DDAH1: variants seen among roughly 807,000 people sequenced by gnomAD.
DDAH1 encodes the protein N(G),N(G)-dimethylarginine dimethylaminohydrolase 1.
DDAH1 carries 19 observed loss-of-function variants against 28.8 expected under a neutral mutation model. That is an observed-to-expected ratio of 0.66 (90% CI 0.46 to 0.97). The LOEUF (loss-of-function observed/expected upper bound fraction) is 0.97, where lower values mean the gene tolerates loss of function less well. DDAH1 is among the 50% of genes least tolerant of loss of function. The pLI is 0.00. For synonymous variants in DDAH1, 153 were observed against 154.4 expected, an observed-to-expected ratio of 0.99 and a Z score of 0.07; for missense variants, 326 against 375.9, an observed-to-expected ratio of 0.87 and a Z score of 1.10.
chr1:85,572,399 C>A (rs1659486364), intron 1 of DDAH1, among the ~76,000 whole-genome samples: 4 of 152,242 alleles, frequency 2.6e-5, no homozygotes, highest in South Asian at 4.1e-4. Flanking sequence ...TCATGAAGGA[C>A]AAATACCATG....
chr1:85,347,755 A>C (rs1428270695), intron 4 of DDAH1, among the ~76,000 whole-genome samples: 1 of 141,730 alleles, frequency 7.1e-6, no homozygotes, highest in South Asian at 2.4e-4. Context: ...CCTAGAACTT[A>C]AAGTATAATA....
chr1:85,562,640 A>C (rs1005928386), intron 1 of DDAH1, among the ~76,000 whole-genome samples: 16 of 152,216 alleles, frequency 1.1e-4, no homozygotes, highest in Admixed American at 3.3e-4. Flanking sequence ...GGAAAGATGG[A>C]AGCAGATATT....
chr1:85,423,357 G>T (rs1033913339), intron 1 of DDAH1, among the ~76,000 whole-genome samples: 1 of 152,168 alleles, frequency 6.6e-6, no homozygotes, highest in African/African-American at 2.4e-5. Flanking sequence ...GTGAAGAAGA[G>T]AATAATTAAC....
intron 4 of DDAH1, among the ~76,000 whole-genome samples, chr1:85,332,609 CT>C (rs1163158949): frequency 1.7e-4 from 26 of 152,138 alleles, no homozygotes; most frequent in African/African-American, 5.3e-4. Flanking sequence ...GGCACCACCC[CT>C]GTCCTCCATC....
At chr1:85,407,165 C>A (rs1347031643) in intron 1 of DDAH1, among the ~76,000 whole-genome samples, 1 of 152,140 alleles carries the variant, frequency 6.6e-6, no homozygotes, top group East Asian at 1.9e-4. Flanking sequence ...CACAGACTTT[C>A]CCATTGCCCC....
intron 1 of DDAH1, among the ~76,000 whole-genome samples, chr1:85,406,027 G>A (rs1158880477): frequency 3.3e-5 from 5 of 152,096 alleles, no homozygotes; most frequent in Non-Finnish European, 7.4e-5. Flanking sequence ...TATGTGCCAG[G>A]GCTACCTACC....
chr1:85,487,402 A>G (rs886739370), intron 2 of DDAH1, among the ~76,000 whole-genome samples: 7 of 152,242 alleles, frequency 4.6e-5, no homozygotes, highest in African/African-American at 1.7e-4. Flanking sequence ...TGGGAAAGTT[A>G]TTTAATACAT....
intron 4 of DDAH1, among the ~76,000 whole-genome samples, chr1:85,346,661 T>G (rs1648865492): frequency 6.6e-6 from 1 of 152,176 alleles, no homozygotes; most frequent in Non-Finnish European, 1.5e-5. Flanking sequence ...CTTTTATCAC[T>G]TATAAGTGAT....
intron 1 of DDAH1, among the ~76,000 whole-genome samples, chr1:85,424,516 T>C (rs930012122): frequency 7.2e-5 from 11 of 152,086 alleles, no homozygotes; most frequent in African/African-American, 2.4e-4. Flanking sequence ...GAAAAGAAGA[T>C]CTTTGTAGAT....
intron 2 of DDAH1, among the ~76,000 whole-genome samples, chr1:85,470,269 A>G (rs1655573744): frequency 6.6e-6 from 1 of 152,234 alleles, no homozygotes; most frequent in African/African-American, 2.4e-5. Flanking sequence ...GGAAGGCAAA[A>G]ATGCACGTCT....
In DDAH1 at chr1:85,366,083, C is replaced by T. The variant is rs530596868; in HGVS notation, c.304-7236G>A. 5.4e-5 allele frequency among the ~76,000 whole-genome samples: 8 copies of T among 149,504 alleles called. No homozygotes were observed. In the South Asian group the frequency reaches 1.3e-3, roughly 24 times the overall value. On this transcript the variant is annotated intron_variant, in intron 1 of 5. Transcript: ENST00000284031. ...GCCTCTGGGAACTGAGAGCAATTCT[C>T]GGCTGATAGCTGGTAAAAAAAAAAA... is the stretch of plus-strand genomic sequence containing the variant.
At chr1:85,414,089 G>T (rs1652778767) in intron 1 of DDAH1, among the ~76,000 whole-genome samples, 1 of 152,136 alleles carries the variant, frequency 6.6e-6, no homozygotes, top group Non-Finnish European at 1.5e-5. Flanking sequence ...TTCTTCTTGT[G>T]ATGAGTAATT....
chr1:85,466,238 G>GT (rs113031236), upstream of DDAH1, among the ~76,000 whole-genome samples: 56 of 152,168 alleles, frequency 3.7e-4, no homozygotes, highest in African/African-American at 9.9e-4. Context: ...CATTTGAGGA[G>GT]TTTTTTTTGT....
chr1:85,564,171 A>AAAAACAAAACAAAAC (rs141857011), intron 1 of DDAH1, among the ~76,000 whole-genome samples: 73 of 150,966 alleles, frequency 4.8e-4, no homozygotes, highest in Middle Eastern at 3.4e-3. Flanking sequence ...ACTCCATCTC[A>AAAAACAAAACAAAAC]AAAACAAAAC....
At chr1:85,518,042 A>G (rs6682281) in intron 1 of DDAH1, among the ~76,000 whole-genome samples, 2,159 of 152,356 alleles carry the variant, frequency 0.014, 54 homozygotes, top group African/African-American at 0.048. Context: ...GAAGAAATAT[A>G]GCATTTTTAG....
At chr1:85,340,918 C>T (rs1343616183) in intron 4 of DDAH1, among the ~76,000 whole-genome samples, 2 of 152,196 alleles carry the variant, frequency 1.3e-5, no homozygotes, top group African/African-American at 2.4e-5. Flanking sequence ...CTTGATGGTA[C>T]TACTGACACT....
At chr1:85,393,634 T>C (rs1052304859) in intron 1 of DDAH1, among the ~76,000 whole-genome samples, 3 of 152,236 alleles carry the variant, frequency 2.0e-5, no homozygotes, top group Admixed American at 6.5e-5. Context: ...GAGAAAGACA[T>C]TGGCTTAAAA....
intron 1 of DDAH1, chr1:85,404,334 G>A: frequency 6.6e-7 from 1 of 1,526,550 alleles, no homozygotes; most frequent in Non-Finnish European, 8.8e-7. Context: ...GACAAAGCCT[G>A]AAAGACCACA....
intron 1 of DDAH1, among the ~76,000 whole-genome samples, chr1:85,421,805 CATGTACCATAG>C (rs1342588977): frequency 1.3e-5 from 2 of 152,156 alleles, no homozygotes; most frequent in Non-Finnish European, 2.9e-5. Flanking sequence ...CCTTTATATT[CATGTACCATAG>C]TTTGTTTATC....
Sources: gnomAD v4.1 joint callset for allele counts (sites outside exome capture counted in the v4.1 genomes callset) on GRCh38, gnomAD v4.1.1 for gene constraint, MANE v1.5 for transcripts, NCBI Gene and HGNC (gene_info 2026-07-23, HGNC 2026-07-21) for gene names.